The following LDB2 variants were observed in gnomAD, a reference collection of about 807,000 sequenced individuals.
LDB2 encodes the protein LIM domain binding 2, also known as LIM domain-binding protein 2.
In LDB2, 12 loss-of-function variants were observed where a neutral mutation model predicts 44.3. The observed-to-expected ratio is 0.27, with a 90% confidence interval of 0.17 to 0.44. LDB2 has a LOEUF of 0.44. Among genes scored for constraint, LDB2 ranks in the 20% least tolerant of loss-of-function variants. The probability of loss-of-function intolerance (pLI) is 1.00; values close to 1 mark genes in which losing one functional copy is unlikely to be tolerated. For synonymous variants in LDB2, 164 were observed against 174.8 expected, an observed-to-expected ratio of 0.94 and a Z score of 0.49; for missense variants, 344 against 473.5, an observed-to-expected ratio of 0.73 and a Z score of 2.54.
At chr4:16,723,786 T>TG (rs908610625) in intron 2 of LDB2, among the ~76,000 whole-genome samples, 1 of 152,110 alleles carries the variant, frequency 6.6e-6, no homozygotes, top group African/African-American at 2.4e-5. Context: ...TTTTCACACT[T>TG]GCTTTAGATC....
chr4:16,850,023 G>T (rs16894085), intron 1 of LDB2, among the ~76,000 whole-genome samples: 4,558 of 152,232 alleles, frequency 0.03, 218 homozygotes, highest in African/African-American at 0.1. Flanking sequence ...AATAAACTTT[G>T]CATCTATGCA....
At position 16,569,594 on chromosome 4, in the gene LDB2, C is replaced by T. The variant is rs1368268277; in HGVS notation, c.615+16328G>A. On this transcript the variant is annotated intron_variant, in intron 5 of 7. Transcript: ENST00000304523. ...GTGAATGAGTCCTTCAAATGGAATA[C>T]CAAGAAAAGACCACCCCAAACCATC... 2.0e-5 allele frequency among the ~76,000 whole-genome samples: 3 copies of T among 152,188 alleles called. No individual in the cohort carries two copies. The East Asian group carries it at 5.8e-4, about 29-fold the overall frequency.
At chr4:16,791,326 G>T (rs1242897824) in intron 1 of LDB2, among the ~76,000 whole-genome samples, 1 of 152,056 alleles carries the variant, frequency 6.6e-6, no homozygotes. Context: ...AGAGGCCAAG[G>T]TGGGTGGATC....
intron 2 of LDB2, among the ~76,000 whole-genome samples, chr4:16,754,859 C>T (rs1045608588): frequency 6.6e-6 from 1 of 152,030 alleles, no homozygotes; most frequent in African/African-American, 2.4e-5. Context: ...TACTCACTTG[C>T]ACATAAGAAA....
At chr4:16,537,490 T>C (rs1391702942) in intron 5 of LDB2, among the ~76,000 whole-genome samples, 2 of 152,218 alleles carry the variant, frequency 1.3e-5, no homozygotes, top group Non-Finnish European at 2.9e-5. Context: ...CTTCTCTTCT[T>C]TACAGAGGAG....
chr4:16,623,358 G>C (rs1374233313), intron 2 of LDB2, among the ~76,000 whole-genome samples: 4 of 152,202 alleles, frequency 2.6e-5, no homozygotes, highest in South Asian at 2.1e-4. Flanking sequence ...AGCACTTTGA[G>C]AGACCGAGGC....
intron 1 of LDB2, among the ~76,000 whole-genome samples, chr4:16,765,763 C>T (rs553892432): frequency 6.6e-6 from 1 of 152,340 alleles, no homozygotes; most frequent in African/African-American, 2.4e-5. Flanking sequence ...GAAGTCTTCT[C>T]TCTGTCACAT....
At chr4:16,514,716 C>T (rs892858649) in intron 5 of LDB2, among the ~76,000 whole-genome samples, 4 of 152,166 alleles carry the variant, frequency 2.6e-5, no homozygotes, top group African/African-American at 9.7e-5. Context: ...GCCAAGACAC[C>T]AACCCTAATA....
chr4:16,659,671 G>GTGTTTATATATATATATATATATA, intron 2 of LDB2, among the ~76,000 whole-genome samples: 1 of 133,562 alleles, frequency 7.5e-6, no homozygotes, highest in African/African-American at 3.0e-5. Context: ...ATCTATGTGT[G>GTGTTTATATATATATATATATATA]TATATATATA....
intron 1 of LDB2, among the ~76,000 whole-genome samples, chr4:16,871,002 A>C (rs1466894609): frequency 1.3e-5 from 2 of 152,154 alleles, no homozygotes; most frequent in African/African-American, 4.8e-5. Context: ...TCCTCTGGCA[A>C]ATGAGTGAGA....
intron 6 of LDB2, among the ~76,000 whole-genome samples, chr4:16,510,856 TGAAG>T (rs1038896552): frequency 1.3e-5 from 2 of 152,336 alleles, no homozygotes; most frequent in South Asian, 2.1e-4. Context: ...ATTGAATGAA[TGAAG>T]GAATTAATGA....
Position 16,817,592 on chromosome 4 carries a change from C to T in LDB2, c.133-58332G>A, listed in dbSNP as rs141035889. The stretch of plus-strand genomic sequence containing the variant: ...CAATCCTCTGAGCTGTAATCTAAGT[C>T]AGTGTTCAAATATATATTTCTTTGC... On this transcript the variant is annotated intron_variant, in intron 1 of 7. Transcript: ENST00000304523. Among the ~76,000 whole-genome samples, 115 of 152,316 alleles carry T rather than the reference C, an allele frequency of 7.6e-4. 1 individual carries two copies. The East Asian group carries it at 0.02, about 26-fold the overall frequency.
intron 1 of LDB2, among the ~76,000 whole-genome samples, chr4:16,766,891 T>C (rs1769446582): frequency 6.6e-6 from 1 of 152,192 alleles, no homozygotes. Flanking sequence ...TATTTAAACA[T>C]TTTGCTACTA....
At chr4:16,506,016 T>C in intron 7 of LDB2, 1 of 1,548,140 alleles carries the variant, frequency 6.5e-7, no homozygotes, top group Non-Finnish European at 8.7e-7. Context: ...ATCCAAGGAT[T>C]AAACCCTAGC....
At chr4:16,829,580 TAA>T (rs1251750493) in intron 1 of LDB2, among the ~76,000 whole-genome samples, 1 of 152,188 alleles carries the variant, frequency 6.6e-6, no homozygotes, top group Non-Finnish European at 1.5e-5. Context: ...GTGTGTTATA[TAA>T]AAGTAATTGA....
intron 5 of LDB2, among the ~76,000 whole-genome samples, chr4:16,551,579 G>A (rs191861633): frequency 3.9e-5 from 6 of 151,990 alleles, no homozygotes; most frequent in East Asian, 3.9e-4. Context: ...GTTCAATGGC[G>A]CGATCTCGGC....
chr4:16,574,035 G>T (rs966902889), intron 5 of LDB2, among the ~76,000 whole-genome samples: 1 of 152,182 alleles, frequency 6.6e-6, no homozygotes, highest in African/African-American at 2.4e-5. Context: ...TCTGATGGAG[G>T]TCATTTTCCA....
chr4:16,674,424 G>A (rs929044955), intron 2 of LDB2: 24 of 448,320 alleles, frequency 5.4e-5, no homozygotes, highest in Non-Finnish European at 9.0e-5. Context: ...TGATAATTCA[G>A]GAGCACCCAT....
At chr4:16,674,525 T>C (rs141243525) in intron 2 of LDB2, among the ~76,000 whole-genome samples, 2 of 152,290 alleles carry the variant, frequency 1.3e-5, no homozygotes, top group African/African-American at 4.8e-5. Flanking sequence ...AGCATCATAT[T>C]TTTGAAAGGT....
Sources: gnomAD v4.1 joint callset for allele counts (sites outside exome capture counted in the v4.1 genomes callset) on GRCh38, gnomAD v4.1.1 for gene constraint, MANE v1.5 for transcripts, NCBI Gene and HGNC (gene_info 2026-07-23, HGNC 2026-07-21) for gene names.